Variants in SMIM17 observed in about 807,000 individuals in gnomAD.
SMIM17 encodes the protein small integral membrane protein 17.
SMIM17 carries 10 observed loss-of-function variants against 12.2 expected under a neutral mutation model. The observed-to-expected ratio is 0.82, with a 90% CI of 0.50 to 1.39. The LOEUF (loss-of-function observed/expected upper bound fraction) is 1.39, where lower values mean the gene tolerates loss of function less well. SMIM17 is among the 40% of genes most tolerant of loss of function. The pLI, the probability that SMIM17 is intolerant of heterozygous loss-of-function variation, is 0.00. For synonymous variants in SMIM17, 50 were observed against 44.1 expected (o/e 1.13, Z -0.53); for missense variants, 136 against 118.2 (o/e 1.15, Z -0.70).
At chr19:56,644,675 C>A (rs1600614805) in intron 1 of SMIM17, among the ~76,000 whole-genome samples, 1 of 152,296 alleles carries the variant, frequency 6.6e-6, no homozygotes, top group African/African-American at 2.4e-5. Flanking sequence ...ATATCCACTG[C>A]CATTTGTTCA....
intron 1 of SMIM17, among the ~76,000 whole-genome samples, chr19:56,643,675 C>A (rs1052522339): frequency 6.6e-6 from 1 of 152,216 alleles, no homozygotes; most frequent in East Asian, 1.9e-4. Flanking sequence ...CACCCTGCAA[C>A]GGTGGGAGCG....
At chr19:56,647,452 G>GAGAGT in intron 2 of SMIM17, 106 bp from the exon 3 acceptor site, 1 of 638,112 alleles carries the variant, frequency 1.6e-6, no homozygotes. Flanking sequence ...AGAGAGAGAG[G>GAGAGT]AGGCTATTAC....
At chr19:56,645,205 ATG>A (rs144250555) in intron 1 of SMIM17, among the ~76,000 whole-genome samples, 75,166 of 150,962 alleles carry the variant, frequency 0.5, 18,962 homozygotes, top group East Asian at 0.75. Context: ...GTGAATGTGG[ATG>A]TGTGTGTGTT....
rs1301519301 is a variant in SMIM17, at chr19:56,655,584, AAGGTTTTGGTGCACC to A, written c.*374_*388del. On this transcript the variant is annotated 3_prime_UTR_variant, in exon 4 of 4. Coordinates refer to ENST00000598409, the MANE Select transcript of SMIM17 (RefSeq NM_001193628.2). ...AACATCAAACCAACTTTGCATTCTTAAGGTTTTGGTGCACCAGTCTTTTCATACACTAGATTATAT... is the reference window on the plus strand; with the variant it reads ...AACATCAAACCAACTTTGCATTCTTAAGTCTTTTCATACACTAGATTATAT... 1 of 245,098 alleles carries A rather than the reference AAGGTTTTGGTGCACC, an allele frequency of 4.1e-6. No individual in the cohort carries two copies. Among genetic ancestry groups the A allele is most frequent in the Non-Finnish European group, 7.7e-6 (1 of 129,394 alleles). 15.2% of individuals were successfully genotyped at this position (245,098 alleles called of 1,614,324 possible). A position where few individuals can be genotyped will look rare whatever the true frequency, so the allele number is the denominator to read the frequency against.
Position 56,655,345 on chromosome 19 carries a change from G to C in SMIM17, c.*132G>C. On this transcript the variant is annotated 3_prime_UTR_variant, in exon 4 of 4. Transcript: ENST00000598409. ...TTCAAATGCCTTTCAAACATCCTTT[G>C]AGATGATTTTTAAAAAATTTTTGGT... 2 of 497,498 alleles carry C rather than the reference G, an allele frequency of 4.0e-6. No homozygotes were observed. Among genetic ancestry groups the C allele is most frequent in the Non-Finnish European group, 7.1e-6 (2 of 280,354 alleles). 30.8% of individuals were successfully genotyped at this position (497,498 alleles called of 1,614,324 possible). A position where few individuals can be genotyped will look rare whatever the true frequency, so the allele number is the denominator to read the frequency against.
intron 3 of SMIM17, among the ~76,000 whole-genome samples, chr19:56,654,420 G>A (rs1372173313): frequency 2.0e-5 from 3 of 152,230 alleles, no homozygotes; most frequent in Non-Finnish European, 4.4e-5. Context: ...AATTGGGTGG[G>A]ATTATCAAGA....
At chr19:56,645,509 C>T (rs575237212) in intron 1 of SMIM17, 59 bp from the exon 2 acceptor site, 9 of 596,562 alleles carry the variant, frequency 1.5e-5, no homozygotes, top group African/African-American at 1.3e-4. Flanking sequence ...TGCTTACAGT[C>T]GTGCCTAGCC....
At chr19:56,645,931 C>A in intron 2 of SMIM17, 95 bp downstream of exon 2, 1 of 1,281,824 alleles carries the variant, frequency 7.8e-7, no homozygotes, top group Non-Finnish European at 1.0e-6. Context: ...TTCACTCATC[C>A]ATTCAACAGC....
At chr19:56,655,040 TG>T in intron 3 of SMIM17, 62 bp from the exon 4 acceptor site, 1 of 594,490 alleles carries the variant, frequency 1.7e-6, no homozygotes, top group Non-Finnish European at 3.0e-6. Context: ...TCTATTTTCC[TG>T]CAAGTAACAA....
chr19:56,647,442 AGAGAGAGAG>A (rs1373225588), intron 2 of SMIM17, 107 bp from the exon 3 acceptor site: 1 of 602,422 alleles, frequency 1.7e-6, no homozygotes, highest in Admixed American at 3.1e-5. Context: ...AGAGAGAGAG[AGAGAGAGAG>A]GAGGCTATTA....
intron 3 of SMIM17, among the ~76,000 whole-genome samples, chr19:56,653,580 CT>C (rs2045126042): frequency 6.6e-6 from 1 of 152,162 alleles, no homozygotes; most frequent in African/African-American, 2.4e-5. Context: ...TTATGAGGAA[CT>C]TTATAAAAAT....
Position 56,645,814 on chromosome 19 carries a change from C to CA in SMIM17, c.148dup (p.Ser50LysfsTer3). On this transcript the variant is annotated frameshift_variant, in exon 2 of 4. Transcript: ENST00000598409. LOFTEE classifies it high-confidence loss of function. ...GGGAGGCTGTGGAGGTTGGGGCCTC[C>CA]AGCCATGACAGTGATGAGAAAGGTG... is the stretch of plus-strand genomic sequence containing the variant. 1 of 1,534,360 alleles carries CA rather than the reference C, an allele frequency of 6.5e-7. No homozygotes were observed. Among genetic ancestry groups the CA allele is most frequent in the Non-Finnish European group, 8.7e-7 (1 of 1,146,226 alleles).
chr19:56,654,922 G>A (rs1195134412), intron 3 of SMIM17, among the ~76,000 whole-genome samples, 181 bp from the exon 4 acceptor site: 1 of 152,162 alleles, frequency 6.6e-6, no homozygotes, highest in Non-Finnish European at 1.5e-5. Flanking sequence ...CTCTGAGAGA[G>A]CATAGTTATG....
At chr19:56,651,611 G>A (rs2045109855) in intron 3 of SMIM17, among the ~76,000 whole-genome samples, 1 of 152,132 alleles carries the variant, frequency 6.6e-6, no homozygotes, top group African/African-American at 2.4e-5. Context: ...GGTAAAAGTT[G>A]CTGTAACAGG....
intron 3 of SMIM17, among the ~76,000 whole-genome samples, chr19:56,653,621 T>C (rs1167164800): frequency 6.6e-6 from 1 of 152,168 alleles, no homozygotes; most frequent in Non-Finnish European, 1.5e-5. Flanking sequence ...TCAGATACAC[T>C]GAACCAGAAA....
chr19:56,646,381 G>A (rs185907586), intron 2 of SMIM17, among the ~76,000 whole-genome samples: 11 of 152,292 alleles, frequency 7.2e-5, no homozygotes, highest in South Asian at 2.1e-4. Flanking sequence ...TCAACTGGGC[G>A]TGGTCTTATA....
chr19:56,648,154 C>A (rs1316326251), intron 3 of SMIM17, among the ~76,000 whole-genome samples: 1 of 148,830 alleles, frequency 6.7e-6, no homozygotes, highest in Admixed American at 6.8e-5. Flanking sequence ...ATCCATCCAT[C>A]CATCCATCCA....
At chr19:56,647,529 CT>C in intron 2 of SMIM17, 28 bp from the exon 3 acceptor site, 1 of 1,523,764 alleles carries the variant, frequency 6.6e-7, no homozygotes, top group Non-Finnish European at 8.8e-7. Flanking sequence ...CTCATGGCTC[CT>C]TTTTCCTCCA....
At chr19:56,643,779 C>T (rs2045041988) in intron 1 of SMIM17, among the ~76,000 whole-genome samples, 1 of 152,192 alleles carries the variant, frequency 6.6e-6, no homozygotes, top group Non-Finnish European at 1.5e-5. Context: ...TAAATGGAAA[C>T]CTAATAGTAT....
Sources: allele counts gnomAD v4.1 joint callset (sites outside exome capture counted in the v4.1 genomes callset), GRCh38; gene constraint gnomAD v4.1.1; transcripts MANE v1.5; gene names NCBI Gene and HGNC (gene_info 2026-07-23, HGNC 2026-07-21).